MCF2L: variants seen among roughly 807,000 people sequenced by gnomAD.
MCF2L encodes guanine nucleotide exchange factor DBS.
Under a neutral mutation model 153.4 loss-of-function variants are expected in MCF2L, and 97 were observed. That is an observed-to-expected ratio of 0.63 (90% CI 0.54 to 0.75). The LOEUF is 0.75. Ranked by LOEUF, MCF2L falls within the 30% of genes least tolerant of loss-of-function variation. The pLI is 0.00. For missense variants in MCF2L, 1,347 were observed against 1,495.2 expected (o/e 0.90, Z 1.64); for synonymous variants, 659 against 632.2 (o/e 1.04, Z -0.64).
At chr13:112,995,569 G>A (rs2083091624) in intron 1 of MCF2L, among the ~76,000 whole-genome samples, 1 of 152,184 alleles carries the variant, frequency 6.6e-6, no homozygotes. Context: ...GTGGTGGGGT[G>A]AGCCTGCGGC....
At chr13:112,927,416 G>A (rs1265096714) in intron 2 of MCF2L, among the ~76,000 whole-genome samples, 1 of 152,204 alleles carries the variant, frequency 6.6e-6, no homozygotes, top group Non-Finnish European at 1.5e-5. Context: ...AGAGAGCCCA[G>A]TTGTGGTCTC....
intron 4 of MCF2L, among the ~76,000 whole-genome samples, chr13:113,051,779 G>A (rs2087347105): frequency 1.3e-5 from 2 of 152,318 alleles, no homozygotes; most frequent in South Asian, 4.1e-4. Flanking sequence ...GGTGGGTCCT[G>A]AGGCGACGCG....
At chr13:113,017,336 G>T (rs1248866017) in intron 2 of MCF2L, among the ~76,000 whole-genome samples, 1 of 152,204 alleles carries the variant, frequency 6.6e-6, no homozygotes, top group African/African-American at 2.4e-5. Context: ...GGGGACGCAG[G>T]TGTTCCTTGG....
intron 2 of MCF2L, among the ~76,000 whole-genome samples, chr13:112,922,903 A>G (rs770602769): frequency 6.6e-5 from 10 of 152,264 alleles, no homozygotes; most frequent in Admixed American, 1.3e-4. Context: ...GATGGTTAAC[A>G]TTAGAATCCA....
At chr13:112,913,610 C>T (rs548979976) in intron 2 of MCF2L, among the ~76,000 whole-genome samples, 1 of 152,258 alleles carries the variant, frequency 6.6e-6, no homozygotes, top group South Asian at 2.1e-4. Flanking sequence ...TCTTTTCCTC[C>T]TTCAAGTGCA....
intron 2 of MCF2L, among the ~76,000 whole-genome samples, chr13:113,023,639 A>C (rs2085045706): frequency 6.6e-6 from 1 of 152,212 alleles, no homozygotes; most frequent in African/African-American, 2.4e-5. Context: ...CCCTAAACTT[A>C]GTTAGCTTGA....
At chr13:112,944,663 T>G (rs2081617872) in intron 2 of MCF2L, among the ~76,000 whole-genome samples, 1 of 151,928 alleles carries the variant, frequency 6.6e-6, no homozygotes, top group South Asian at 2.1e-4. Flanking sequence ...ATTTTTTGTA[T>G]TTTTAGTAGA....
At chr13:112,927,202 G>A (rs540215662) in intron 2 of MCF2L, among the ~76,000 whole-genome samples, 57 of 152,308 alleles carry the variant, frequency 3.7e-4, no homozygotes, top group South Asian at 2.1e-3. Context: ...AGTATCTAGC[G>A]AGGTCATAGA....
chr13:112,969,326 G>GC lies in MCF2L; in HGVS notation c.-48dup, dbSNP rs904335741. ...CACTCGCACGGCCCCACCCGCAGGC[G>GC]CCCCCCGTGCGGAGGAAGCGGATCT... On this transcript the variant is annotated 5_prime_UTR_variant, in exon 1 of 30. Coordinates refer to ENST00000535094, the MANE Select transcript of MCF2L (RefSeq NM_001112732.3). The surrounding 1 kb of genome is among the most constrained non-coding windows in gnomAD (Gnocchi z 4.8). 7 of 1,544,790 alleles carry GC rather than the reference G, an allele frequency of 4.5e-6. No individual in the cohort carries two copies. The highest frequency in any genetic ancestry group is 2.5e-5 in the East Asian group (1 of 40,662).
At chr13:113,069,983 C>T in intron 8 of MCF2L, 76 bp from the exon 9 acceptor site, 1 of 1,000,220 alleles carries the variant, frequency 1.0e-6, no homozygotes, top group Admixed American at 2.3e-5. Flanking sequence ...CTTGGGGTCG[C>T]TTGAACACCC....
chr13:112,999,112 C>T (rs2083258414), intron 1 of MCF2L, among the ~76,000 whole-genome samples: 1 of 152,202 alleles, frequency 6.6e-6, no homozygotes, highest in Non-Finnish European at 1.5e-5. Context: ...CTCCCTGGCA[C>T]AGGGCCATTG....
intron 1 of MCF2L, chr13:112,979,659 G>A (rs369124281): frequency 6.2e-7 from 1 of 1,612,896 alleles, no homozygotes; most frequent in South Asian, 1.1e-5. Flanking sequence ...TTTGTGACAG[G>A]GCGGTTCGAT....
chr13:113,030,402 GA>G (rs2085596454), intron 3 of MCF2L, among the ~76,000 whole-genome samples: 1 of 146,866 alleles, frequency 6.8e-6, no homozygotes. Context: ...CGCCGACGCA[GA>G]TGTGGGCCCT....
intron 4 of MCF2L, among the ~76,000 whole-genome samples, chr13:113,056,620 C>A (rs2029880255): frequency 7.5e-6 from 1 of 133,312 alleles, no homozygotes; most frequent in African/African-American, 2.9e-5. Flanking sequence ...TGAGTGAGTG[C>A]TGAGTGTTTG....
intron 2 of MCF2L, among the ~76,000 whole-genome samples, chr13:112,927,306 T>C (rs893553927): frequency 6.6e-6 from 1 of 152,208 alleles, no homozygotes; most frequent in Non-Finnish European, 1.5e-5. Context: ...TTTAATAGTC[T>C]TCTAGTCTTG....
intron 1 of MCF2L, chr13:113,002,093 C>A: frequency 7.7e-7 from 1 of 1,295,224 alleles, no homozygotes; most frequent in Non-Finnish European, 1.0e-6. Flanking sequence ...TCCTCAGAGG[C>A]TGCTGGGGCA....
At chr13:112,980,839 C>A (rs934991384) in intron 1 of MCF2L, among the ~76,000 whole-genome samples, 1 of 152,232 alleles carries the variant, frequency 6.6e-6, no homozygotes, top group Admixed American at 6.5e-5. Flanking sequence ...CAGCCAGGGG[C>A]TGTGCGTGAA....
At chr13:112,928,909 G>C (rs1383936141) in intron 2 of MCF2L, among the ~76,000 whole-genome samples, 2 of 152,220 alleles carry the variant, frequency 1.3e-5, no homozygotes, top group Non-Finnish European at 2.9e-5. Flanking sequence ...CCAGCTGACA[G>C]TCTGTGGCAT....
intron 2 of MCF2L, 105 bp from the exon 3 acceptor site, chr13:113,024,539 A>G (rs2141283888): frequency 1.5e-6 from 1 of 675,948 alleles, no homozygotes; most frequent in Non-Finnish European, 2.7e-6. Context: ...AACATGCCTC[A>G]GTTTTAACTG....
Sources: gnomAD v4.1 joint callset for allele counts (sites outside exome capture counted in the v4.1 genomes callset) on GRCh38, gnomAD v4.1.1 for gene constraint, Gnocchi (gnomAD v3.1) non-coding constraint, MANE v1.5 for transcripts, NCBI Gene and HGNC (gene_info 2026-07-23, HGNC 2026-07-21) for gene names.